The following HEATR9 variants were observed in gnomAD, a reference collection of about 807,000 sequenced individuals.
The protein encoded by HEATR9 is protein HEATR9.
In HEATR9, 54 loss-of-function variants were observed where a neutral mutation model predicts 68.2. That is an observed-to-expected ratio of 0.79 (90% CI 0.64 to 0.99). The LOEUF (loss-of-function observed/expected upper bound fraction) is 0.99, where lower values mean the gene tolerates loss of function less well. Among genes scored for constraint, HEATR9 ranks in the 50% least tolerant of loss-of-function variants. The pLI is 0.00. For missense variants in HEATR9, 662 were observed against 679.7 expected, an observed-to-expected ratio of 0.97 and a Z score of 0.29; for synonymous variants, 241 against 253.5, an observed-to-expected ratio of 0.95 and a Z score of 0.47.
At chr17:35,858,132 G>C (rs182029830) in intron 11 of HEATR9, 68 bp downstream of exon 11, 2 of 1,600,892 alleles carry the variant, frequency 1.2e-6, no homozygotes, top group Admixed American at 3.3e-5. Context: ...GGCCAGGGGA[G>C]GTCTCCAGAA....
chr17:35,861,293 C>A (rs759379873), intron 8 of HEATR9: 1 of 1,381,938 alleles, frequency 7.2e-7, no homozygotes, highest in Non-Finnish European at 1.0e-6. Flanking sequence ...CTCTTCATTG[C>A]GTCAATAGTT....
chr17:35,867,482 A>AAAG (rs2088249505), intron 1 of HEATR9, among the ~76,000 whole-genome samples: 1 of 151,664 alleles, frequency 6.6e-6, no homozygotes. Flanking sequence ...AAGGTAGGTT[A>AAAG]AAGAATTAAT....
chr17:35,858,036 G>A (rs1347973362), intron 11 of HEATR9, among the ~76,000 whole-genome samples, 164 bp downstream of exon 11: 1 of 152,186 alleles, frequency 6.6e-6, no homozygotes, highest in Admixed American at 6.5e-5. Context: ...TGAGTGAACT[G>A]CCTGAGCAAA....
chr17:35,861,863 GTT>G (rs113162886), intron 8 of HEATR9, among the ~76,000 whole-genome samples: 2 of 142,604 alleles, frequency 1.4e-5, no homozygotes, highest in Non-Finnish European at 1.5e-5. Context: ...CTTTTTCTTG[GTT>G]TTTTTTTTTT....
chr17:35,865,194 A>T, intron 3 of HEATR9, 21 bp downstream of exon 3: 2 of 1,607,236 alleles, frequency 1.2e-6, no homozygotes, highest in Non-Finnish European at 1.7e-6. Context: ...TGAGAAGAAT[A>T]TGGAGGCCAG....
At position 35,867,428 on chromosome 17, in the gene HEATR9, C is replaced by CAAAA. The variant is rs11315915; in HGVS notation, c.89-659_89-656dup. ...CCAGCCTGGGTAACAGAGCAAGACTCAAAAAAAAAAAAAAAAAAAAAAAAA... is the reference window on the plus strand; with the variant it reads ...CCAGCCTGGGTAACAGAGCAAGACTCAAAAAAAAAAAAAAAAAAAAAAAAAAAAA... On this transcript the variant is annotated intron_variant, in intron 1 of 14. Coordinates refer to ENST00000604834, the MANE Select transcript of HEATR9 (RefSeq NM_152781.4). Among the ~76,000 whole-genome samples, 21 of 40,086 alleles carry CAAAA rather than the reference C, an allele frequency of 5.2e-4. 1 individual carries two copies. The highest frequency in any genetic ancestry group is 2.0e-3 in the African/African-American group (18 of 9,132). The allele number at this position is 40,086 out of a possible 152,430, so 26.3% of individuals were successfully genotyped here.
chr17:35,860,998 A>G (rs1452762586), intron 8 of HEATR9: 2 of 600,554 alleles, frequency 3.3e-6, no homozygotes, highest in African/African-American at 1.8e-5. Flanking sequence ...GTGAGCCGAG[A>G]TCATGCCACT....
chr17:35,864,954 T>G, intron 3 of HEATR9, 64 bp from the exon 4 acceptor site: 2 of 1,599,616 alleles, frequency 1.3e-6, no homozygotes, highest in South Asian at 1.1e-5. Flanking sequence ...GGTTGCAACC[T>G]CACTTCTGCC....
At chr17:35,861,309 C>T in intron 8 of HEATR9, 1 of 1,399,222 alleles carries the variant, frequency 7.1e-7, no homozygotes, top group East Asian at 2.3e-5. Flanking sequence ...TAGTTTTATT[C>T]CATAGCTCTT....
rs2087728659 is a variant in HEATR9 at position 35,855,213 on chromosome 17, A to C, written c.1563T>G (p.Ile521Met). Residue 521 changes from isoleucine to methionine, a missense_variant, in exon 15 of 15, where the codon ATT becomes ATG. Coordinates refer to ENST00000604834, the MANE Select transcript of HEATR9 (RefSeq NM_152781.4). ...FRLAKLNPLFIAKSITKVGQK... is the reference protein window; with the variant it reads ...FRLAKLNPLFMAKSITKVGQK... ...GGCCTACTTTGGTGATGGACTTTGC[A>C]ATAAACAAGGGGTTCAGCTTTGCAA... 2 of 1,614,184 alleles carry C rather than the reference A, an allele frequency of 1.2e-6. No homozygotes were observed. Among genetic ancestry groups the C allele is most frequent in the Non-Finnish European group, 8.5e-7 (1 of 1,180,022 alleles).
intron 6 of HEATR9, 161 bp downstream of exon 6, chr17:35,864,085 G>A (rs767682911): frequency 2.9e-5 from 18 of 623,094 alleles, no homozygotes; most frequent in African/African-American, 5.5e-5. Context: ...CTTCGAAGAG[G>A]CCAAGGACAT....
Position 35,856,777 on chromosome 17 carries a change from A to C in HEATR9, c.1181T>G (p.Val394Gly). Residue 394 changes from valine (V) to glycine (G), a missense_variant, in exon 12 of 15, where the codon GTG becomes GGG. Transcript: ENST00000604834. ...LAVRQAVAQT[V>G]EELKLKPTMM... The stretch of plus-strand genomic sequence containing the variant: ...CGTAGGCTTCAACTTGAGCTCTTCC[A>C]CAGTTTGAGCCACAGCCTGCCTCAC... 2 of 1,606,514 alleles carry C rather than the reference A, an allele frequency of 1.2e-6. No homozygotes were observed. Among genetic ancestry groups the C allele is most frequent in the Non-Finnish European group, 1.7e-6 (2 of 1,176,478 alleles).
At chr17:35,862,067 A>G (rs1680345957) in intron 8 of HEATR9, among the ~76,000 whole-genome samples, 2 of 151,876 alleles carry the variant, frequency 1.3e-5, no homozygotes, top group South Asian at 2.1e-4. Flanking sequence ...TTTAGTAGAG[A>G]CAGAGTTTCA....
Position 35,855,193 on chromosome 17 carries a change from A to G in HEATR9, c.1583T>C (p.Val528Ala), listed in dbSNP as rs776362076. 2 of 1,614,098 alleles carry G rather than the reference A, an allele frequency of 1.2e-6. No individual in the cohort carries two copies. Among genetic ancestry groups the G allele is most frequent in the Non-Finnish European group, 1.7e-6 (2 of 1,180,004 alleles). ...PLFIAKSITKVGQKKTPAFPP... is the reference protein window; with the variant it reads ...PLFIAKSITKAGQKKTPAFPP... ...GAAAGCAGGCGTTTTCTTTTGGCCTACTTTGGTGATGGACTTTGCAATAAA... is the reference window on the plus strand; with the variant it reads ...GAAAGCAGGCGTTTTCTTTTGGCCTGCTTTGGTGATGGACTTTGCAATAAA... Residue 528 changes from valine to alanine, a missense_variant, in exon 15 of 15, where the codon GTA (valine) becomes GCA (alanine). Physicochemically the swap from Val to Ala is moderately conservative, Grantham distance 64. Coordinates refer to ENST00000604834, the MANE Select transcript of HEATR9 (RefSeq NM_152781.4).
In HEATR9 at chr17:35,855,115, C is replaced by T. The variant is rs768671466; in HGVS notation, c.1661G>A (p.Trp554Ter). The change falls in exon 15 of 15, where the codon TGG becomes TAG. Residue 554 changes from tryptophan (W) to a stop codon, truncating the protein, a stop_gained. Coordinates refer to ENST00000604834, the MANE Select transcript of HEATR9 (RefSeq NM_152781.4). LOFTEE classifies it low-confidence loss of function (END_TRUNC). Reference protein sequence around the residue: ...RKHRPQVIGPWQPRIKKQLRV... With the variant: ...RKHRPQVIGP ...GAGCTGTTTCTTGATCCTTGGCTGC[C>T]AGGGCCCTATGACCTGTGGCCTATG... 1.2e-6 allele frequency: 2 copies of T among 1,614,166 alleles called. No individual in the cohort carries two copies. The highest frequency in any genetic ancestry group is 1.7e-6 in the Non-Finnish European group (2 of 1,180,040).
chr17:35,855,898 T>G, intron 13 of HEATR9, 148 bp from the exon 14 acceptor site: 1 of 727,232 alleles, frequency 1.4e-6, no homozygotes, highest in Non-Finnish European at 2.4e-6. Context: ...TCCTTGCCAT[T>G]TGGAACCACT....
At chr17:35,863,710 A>G (rs977674292) in intron 6 of HEATR9, 151 bp from the exon 7 acceptor site, 1 of 772,504 alleles carries the variant, frequency 1.3e-6, no homozygotes, top group Middle Eastern at 2.5e-4. Context: ...AATACAGCCA[A>G]AATGGTTCAA....
At chr17:35,862,766 T>C (rs1167461559) in intron 8 of HEATR9, among the ~76,000 whole-genome samples, 2 of 152,166 alleles carry the variant, frequency 1.3e-5, no homozygotes, top group African/African-American at 4.8e-5. Context: ...CTGTCTCCAT[T>C]CTCCATTTTA....
intron 11 of HEATR9, among the ~76,000 whole-genome samples, chr17:35,857,567 G>A (rs1251426128): frequency 6.6e-6 from 1 of 152,128 alleles, no homozygotes; most frequent in Non-Finnish European, 1.5e-5. Context: ...AGCCCATCCT[G>A]GCTAACACGA....
Sources: allele counts gnomAD v4.1 joint callset (sites outside exome capture counted in the v4.1 genomes callset), GRCh38; gene constraint gnomAD v4.1.1; transcripts MANE v1.5; gene names NCBI Gene and HGNC (gene_info 2026-07-23, HGNC 2026-07-21).